The following LPIN1 variants were observed in gnomAD, a reference collection of about 807,000 sequenced individuals.
The protein encoded by LPIN1 is phosphatidate phosphatase LPIN1.
A neutral mutation model predicts 107.5 loss-of-function variants in LPIN1; 71 were observed. That is an observed-to-expected ratio of 0.66 (90% CI 0.55 to 0.80). The LOEUF is 0.80. LPIN1 is among the 30% of genes least tolerant of loss of function. The pLI is 0.00. For missense variants in LPIN1, 1,043 were observed against 1,160.6 expected, an observed-to-expected ratio of 0.90 and a Z score of 1.47; for synonymous variants, 445 against 452.6, an observed-to-expected ratio of 0.98 and a Z score of 0.21.
chr2:11,759,449 T>A (rs1292710280), intron 1 of LPIN1, among the ~76,000 whole-genome samples: 1 of 152,168 alleles, frequency 6.6e-6, no homozygotes, highest in African/African-American at 2.4e-5. Flanking sequence ...CCTTAATCCA[T>A]TTAACCCTGA....
At chr2:11,787,221 A>G in intron 11 of LPIN1, 54 bp downstream of exon 11, 1 of 1,179,474 alleles carries the variant, frequency 8.5e-7, no homozygotes, top group East Asian at 2.3e-5. Context: ...TTTCTGTTTC[A>G]TGTTTTCAAA....
At chr2:11,696,698 G>T (rs1662600187) in intron 1 of LPIN1, among the ~76,000 whole-genome samples, 1 of 152,210 alleles carries the variant, frequency 6.6e-6, no homozygotes, top group Non-Finnish European at 1.5e-5. Flanking sequence ...CCTACATGGT[G>T]ATGCAAAGAT....
In LPIN1 at chr2:11,765,458, G is replaced by T; in HGVS notation, c.-9-75G>T. The T allele has an allele frequency of 2.9e-6, 4 of 1,375,300 alleles. No individual in the cohort carries two copies. The highest frequency in any genetic ancestry group is 4.1e-6 in the Non-Finnish European group (4 of 986,240). 85.2% of individuals were successfully genotyped at this position (1,375,300 alleles called of 1,614,324 possible). On this transcript the variant is annotated intron_variant, in intron 1 of 20. Coordinates refer to ENST00000674199, the MANE Select transcript of LPIN1 (RefSeq NM_001349206.2). This position sits in a 1 kb window ranked among gnomAD's most constrained non-coding sequence, Gnocchi z 4.4. ...GTGTAATCCACGTTTTTGAAATGGT[G>T]AGGAGTTCATTTTGATTGGCTCTTC...
chr2:11,789,562 ACGTGTGTGTGTG>A (rs1031997436), intron 12 of LPIN1, among the ~76,000 whole-genome samples: 1 of 147,390 alleles, frequency 6.8e-6, no homozygotes, highest in Non-Finnish European at 1.5e-5. Context: ...GTGGATGTGC[ACGTGTGTGTGTG>A]CGTGTGTGTG....
chr2:11,799,319 G>A (rs1478837441), intron 14 of LPIN1, among the ~76,000 whole-genome samples: 6 of 151,850 alleles, frequency 4.0e-5, no homozygotes, highest in Non-Finnish European at 8.8e-5. Flanking sequence ...CGCCGGCAGA[G>A]GTACACATCA....
At chr2:11,742,664 T>C (rs77141623), upstream of LPIN1, among the ~76,000 whole-genome samples, 2,482 of 152,380 alleles carry the variant, frequency 0.016, 28 homozygotes, top group Non-Finnish European at 0.028. Context: ...TCTCTTTCCC[T>C]GTCCGCTCCT....
intron 17 of LPIN1, among the ~76,000 whole-genome samples, chr2:11,808,430 T>A (rs1342721149): frequency 6.6e-6 from 1 of 152,210 alleles, no homozygotes; most frequent in Non-Finnish European, 1.5e-5. Context: ...GTATTGTGAT[T>A]TCTAGAGAAA....
chr2:11,818,863 A>C (rs1352767168), intron 18 of LPIN1: 4 of 152,130 alleles, frequency 2.6e-5, no homozygotes, highest in Non-Finnish European at 5.9e-5. Context: ...AAGTATTTTA[A>C]AAAATGAATT....
chr2:11,696,990 G>T (rs1017544968), intron 1 of LPIN1, among the ~76,000 whole-genome samples: 1 of 152,234 alleles, frequency 6.6e-6, no homozygotes, highest in Non-Finnish European at 1.5e-5. Flanking sequence ...TCTGTGGTGT[G>T]GGCCTGGGAC....
At chr2:11,724,181 C>T (rs996808949), upstream of LPIN1, 15 of 203,172 alleles carry the variant, frequency 7.4e-5, no homozygotes, top group African/African-American at 2.8e-4. Flanking sequence ...GAATCCAGGG[C>T]TGGTCTCCTG....
chr2:11,691,204 C>T (rs1404889170), intron 1 of LPIN1, among the ~76,000 whole-genome samples: 1 of 151,398 alleles, frequency 6.6e-6, no homozygotes, highest in Non-Finnish European at 1.5e-5. Flanking sequence ...TTGTAGTTGC[C>T]TCCCCAGGTC....
At chr2:11,788,348 C>A (rs763781894) in intron 11 of LPIN1, 39 bp from the exon 12 acceptor site, 2 of 1,506,690 alleles carry the variant, frequency 1.3e-6, no homozygotes, top group Non-Finnish European at 1.8e-6. Flanking sequence ...TCAGTCTGAG[C>A]CTCGGTTTTT....
rs1233950689 is a variant in LPIN1, at chr2:11,765,552, T to TG, written c.15dup (p.Gln6AlafsTer27). The TG allele has an allele frequency of 6.2e-7, 1 of 1,613,924 alleles. No individual in the cohort carries two copies. Among genetic ancestry groups the TG allele is most frequent in the Non-Finnish European group, 8.5e-7 (1 of 1,179,830 alleles). The stretch of plus-strand genomic sequence containing the variant: ...TTCCAGGTGCAGACCATGAATTACG[T>TG]GGGGCAGTTAGCCGGCCAGGTGTTT... On this transcript the variant is annotated frameshift_variant, in exon 2 of 21. Coordinates refer to ENST00000674199, the MANE Select transcript of LPIN1 (RefSeq NM_001349206.2). LOFTEE classifies it high-confidence loss of function. The surrounding 1 kb of genome is among the most constrained non-coding windows in gnomAD (Gnocchi z 4.4).
chr2:11,825,222 C>A lies in LPIN1; in HGVS notation c.*431C>A. Reference sequence around the variant, plus strand: ...ACGGTTTTTGGCAAAGTAGGGGGCACATTTCCATTATAGCAATGTTAGTGC... The same window carrying A: ...ACGGTTTTTGGCAAAGTAGGGGGCAAATTTCCATTATAGCAATGTTAGTGC... On this transcript the variant is annotated 3_prime_UTR_variant, in exon 21 of 21. Coordinates refer to ENST00000674199, the MANE Select transcript of LPIN1 (RefSeq NM_001349206.2). The surrounding 1 kb of genome is among the most constrained non-coding windows in gnomAD (Gnocchi z 4.1). The A allele has an allele frequency of 4.2e-6, 1 of 236,738 alleles. No homozygotes were observed. The highest frequency in any genetic ancestry group is 6.0e-5 in the South Asian group (1 of 16,590). The allele number at this position is 236,738 out of a possible 1,614,324, so 14.7% of individuals were successfully genotyped here.
At chr2:11,788,555 T>A (rs1208658055) in intron 12 of LPIN1, 99 bp downstream of exon 12, 2 of 903,080 alleles carry the variant, frequency 2.2e-6, no homozygotes, top group Non-Finnish European at 3.7e-6. Flanking sequence ...AACTACAGAG[T>A]TAATTCCACT....
intron 1 of LPIN1, among the ~76,000 whole-genome samples, chr2:11,693,923 C>T (rs573498441): frequency 6.9e-6 from 1 of 145,680 alleles, no homozygotes; most frequent in African/African-American, 2.6e-5. Context: ...GAACTTCCGC[C>T]TCCTGGGTTC....
chr2:11,681,473 C>A, intron 1 of LPIN1: 1 of 158,550 alleles, frequency 6.3e-6, no homozygotes. Flanking sequence ...CTGGCTTCCC[C>A]TTCGCCTTCT....
intron 14 of LPIN1, among the ~76,000 whole-genome samples, chr2:11,797,412 G>A (rs1253677123): frequency 6.6e-6 from 1 of 152,234 alleles, no homozygotes; most frequent in Non-Finnish European, 1.5e-5. Flanking sequence ...TGGAGGACAT[G>A]CGTTCAATCC....
intron 1 of LPIN1, among the ~76,000 whole-genome samples, chr2:11,730,562 T>C (rs80044995): frequency 0.016 from 2,383 of 152,314 alleles, 76 homozygotes; most frequent in African/African-American, 0.055. Flanking sequence ...TTTTCTTCAC[T>C]TTATAATTTT....
Sources: gnomAD v4.1 joint callset for allele counts (sites outside exome capture counted in the v4.1 genomes callset) on GRCh38, gnomAD v4.1.1 for gene constraint, Gnocchi (gnomAD v3.1) non-coding constraint, MANE v1.5 for transcripts, NCBI Gene and HGNC (gene_info 2026-07-23, HGNC 2026-07-21) for gene names.